SDK1: variants seen among roughly 807,000 people sequenced by gnomAD.
SDK1 encodes protein sidekick-1.
SDK1 carries 157 observed loss-of-function variants against 245.5 expected under a neutral mutation model. The observed-to-expected ratio is 0.64, with a 90% confidence interval of 0.56 to 0.73. The LOEUF is 0.73. SDK1 is among the 30% of genes least tolerant of loss of function. The pLI, the probability that SDK1 is intolerant of heterozygous loss-of-function variation, is 0.00. For missense variants in SDK1, 3,583 were observed against 3,002.3 expected (o/e 1.19, Z -4.52); for synonymous variants, 1,647 against 1,278.5 (o/e 1.29, Z -6.15).
intron 44 of SDK1, among the ~76,000 whole-genome samples, chr7:4,246,628 C>T (rs1786877884): frequency 6.6e-6 from 1 of 152,174 alleles, no homozygotes; most frequent in South Asian, 2.1e-4. Flanking sequence ...TCCTAGCTCC[C>T]TCCCTTGCGC....
intron 17 of SDK1, among the ~76,000 whole-genome samples, chr7:4,045,301 G>A (rs562743103): frequency 2.6e-5 from 4 of 152,076 alleles, no homozygotes; most frequent in Non-Finnish European, 4.4e-5. Flanking sequence ...GGAGTGCAGT[G>A]GTGTAATCAC....
At chr7:3,610,795 T>C (rs919365661) in intron 1 of SDK1, among the ~76,000 whole-genome samples, 25 of 152,242 alleles carry the variant, frequency 1.6e-4, no homozygotes, top group African/African-American at 4.6e-4. Context: ...ACTGGCTGAC[T>C]GCATAGGCAA....
chr7:3,850,980 A>T (rs995027072), intron 5 of SDK1, among the ~76,000 whole-genome samples: 1 of 152,228 alleles, frequency 6.6e-6, no homozygotes, highest in Non-Finnish European at 1.5e-5. Context: ...CACGTTGTGC[A>T]AGTGTACCCT....
At chr7:3,366,489 C>T (rs906415674) in intron 1 of SDK1, among the ~76,000 whole-genome samples, 3 of 151,998 alleles carry the variant, frequency 2.0e-5, no homozygotes, top group Non-Finnish European at 4.4e-5. Context: ...CTGCAGAATT[C>T]CCCTTTATGG....
intron 1 of SDK1, among the ~76,000 whole-genome samples, chr7:3,340,230 A>C (rs1780310453): frequency 6.6e-6 from 1 of 152,096 alleles, no homozygotes; most frequent in Admixed American, 6.5e-5. Flanking sequence ...GTTTCAGACT[A>C]CTGCAATAAA....
At chr7:3,590,082 G>C (rs1204102359) in intron 1 of SDK1, among the ~76,000 whole-genome samples, 1 of 152,118 alleles carries the variant, frequency 6.6e-6, no homozygotes, top group East Asian at 1.9e-4. Flanking sequence ...ATGTGTTAGG[G>C]GATAGATGAT....
chr7:3,818,556 G>C (rs1412961766), intron 4 of SDK1, among the ~76,000 whole-genome samples: 1 of 152,196 alleles, frequency 6.6e-6, no homozygotes, highest in Non-Finnish European at 1.5e-5. Context: ...TATTTGCAGT[G>C]CATAGAACCC....
chr7:3,730,146 G>T (rs1432051340), intron 4 of SDK1, among the ~76,000 whole-genome samples: 1 of 152,098 alleles, frequency 6.6e-6, no homozygotes, highest in African/African-American at 2.4e-5. Context: ...TGCTGATGAG[G>T]ATCCCTTTGA....
At chr7:4,176,406 C>T (rs74346104) in intron 34 of SDK1, among the ~76,000 whole-genome samples, 7,706 of 152,244 alleles carry the variant, frequency 0.051, 262 homozygotes, top group Non-Finnish European at 0.069. Flanking sequence ...TGGACTCAAA[C>T]GATCCTCTTG....
At chr7:4,210,976 T>G (rs1784482068) in intron 38 of SDK1, among the ~76,000 whole-genome samples, 1 of 152,110 alleles carries the variant, frequency 6.6e-6, no homozygotes, top group Non-Finnish European at 1.5e-5. Context: ...TCCGCCAATC[T>G]AGGGGCCCAC....
chr7:3,448,439 A>G (rs1165260089), intron 1 of SDK1, among the ~76,000 whole-genome samples: 1 of 151,860 alleles, frequency 6.6e-6, no homozygotes, highest in Non-Finnish European at 1.5e-5. Flanking sequence ...TTCCCAGTCT[A>G]TGTATTTTTG....
intron 5 of SDK1, among the ~76,000 whole-genome samples, chr7:3,904,005 C>G (rs1227686566): frequency 6.6e-6 from 1 of 152,174 alleles, no homozygotes; most frequent in South Asian, 2.1e-4. Flanking sequence ...GAGGCCCTCA[C>G]CACATGCAGA....
chr7:3,699,606 A>T (rs1005927383), intron 4 of SDK1, among the ~76,000 whole-genome samples: 1 of 152,170 alleles, frequency 6.6e-6, no homozygotes, highest in African/African-American at 2.4e-5. Flanking sequence ...GAGAAAACAG[A>T]CTAAACAAAC....
Position 3,724,184 on chromosome 7 carries a change from C to T in SDK1, c.713+82079C>T, listed in dbSNP as rs566346405. Among the ~76,000 whole-genome samples, 211 of 152,036 alleles carry T rather than the reference C, an allele frequency of 1.4e-3. 5 individuals are homozygous for T. The highest frequency in any genetic ancestry group is 4.8e-3 in the African/African-American group (201 of 41,524). Reference sequence around the variant, plus strand: ...TTCATCATGTTGGCCAGGCTGGTCTCGAACTCCTGACCTCAGGTGATCCAC... The same window carrying T: ...TTCATCATGTTGGCCAGGCTGGTCTTGAACTCCTGACCTCAGGTGATCCAC... On this transcript the variant is annotated intron_variant, in intron 4 of 44. Transcript: ENST00000404826.
At chr7:3,374,208 C>G (rs879936199) in intron 1 of SDK1, among the ~76,000 whole-genome samples, 4 of 152,126 alleles carry the variant, frequency 2.6e-5, no homozygotes, top group Non-Finnish European at 4.4e-5. Flanking sequence ...CAGGAACCCA[C>G]TGTTGCCTAA....
Position 3,843,575 on chromosome 7 carries a change from C to T in SDK1, c.847+21992C>T, listed in dbSNP as rs576308671. 9.9e-5 allele frequency among the ~76,000 whole-genome samples: 15 copies of T among 152,246 alleles called. No individual in the cohort carries two copies. The East Asian group carries it at 2.9e-3, about 29-fold the overall frequency. The stretch of plus-strand genomic sequence containing the variant: ...ACACCTGATTTTTTAATTCATTATG[C>T]TTTTGATGGAAATTAATTAGTTTCT... On this transcript the variant is annotated intron_variant, in intron 5 of 44. Transcript: ENST00000404826.
intron 1 of SDK1, among the ~76,000 whole-genome samples, chr7:3,438,065 A>C (rs959886381): frequency 2.6e-5 from 4 of 152,206 alleles, no homozygotes; most frequent in African/African-American, 9.6e-5. Flanking sequence ...TGGAATAATT[A>C]AGTTATTTAC....
intron 32 of SDK1, among the ~76,000 whole-genome samples, chr7:4,169,546 G>A (rs1392682491): frequency 1.3e-5 from 2 of 152,210 alleles, no homozygotes; most frequent in African/African-American, 4.8e-5. Context: ...CTGGCAGTGA[G>A]CTCGCCGTCT....
intron 4 of SDK1, among the ~76,000 whole-genome samples, chr7:3,700,470 C>G (rs62437932): frequency 0.094 from 14,283 of 152,178 alleles, 782 homozygotes; most frequent in Middle Eastern, 0.18. Flanking sequence ...TATACTTAAA[C>G]TGGTAAACGT....
Sources: allele counts gnomAD v4.1 joint callset (sites outside exome capture counted in the v4.1 genomes callset), GRCh38; gene constraint gnomAD v4.1.1; transcripts MANE v1.5; gene names NCBI Gene and HGNC (gene_info 2026-07-23, HGNC 2026-07-21).